The following TUB variants were observed in gnomAD, a reference collection of about 807,000 sequenced individuals.
The protein encoded by TUB is tubby protein homolog.
In TUB, 33 loss-of-function variants were observed where a neutral mutation model predicts 59.7. The ratio of observed to expected loss-of-function variants is 0.55; its 90% CI spans 0.42 to 0.74. The LOEUF is 0.74. Ranked by LOEUF, TUB falls within the 30% of genes least tolerant of loss-of-function variation. The pLI, the probability that TUB is intolerant of heterozygous loss-of-function variation, is 0.00. For missense variants in TUB, 659 were observed against 672.0 expected (o/e 0.98, Z 0.21); for synonymous variants, 293 against 256.4 (o/e 1.14, Z -1.36).
chr11:8,088,590 G>T (rs1231265791), intron 1 of TUB, among the ~76,000 whole-genome samples: 2 of 152,240 alleles, frequency 1.3e-5, no homozygotes, highest in African/African-American at 4.8e-5. Context: ...ACACAGTCTG[G>T]TTCAGGGGCA....
chr11:8,049,111 C>T (rs139015821), intron 2 of TUB, among the ~76,000 whole-genome samples: 1 of 152,196 alleles, frequency 6.6e-6, no homozygotes, highest in African/African-American at 2.4e-5. Flanking sequence ...CCTCTCTCTT[C>T]TGTAGTCGGC....
At chr11:8,029,064 G>T (rs906261965) in intron 1 of TUB, among the ~76,000 whole-genome samples, 1 of 152,124 alleles carries the variant, frequency 6.6e-6, no homozygotes, top group African/African-American at 2.4e-5. Flanking sequence ...AGCCATAAAT[G>T]TATGGGTTTA....
chr11:8,022,705 C>T (rs532039764), intron 1 of TUB, among the ~76,000 whole-genome samples: 3 of 152,264 alleles, frequency 2.0e-5, no homozygotes, highest in African/African-American at 7.2e-5. Context: ...GCCTGGCCAA[C>T]ATGGTGAAAC....
At chr11:8,071,121 G>A (rs960384878) in intron 2 of TUB, among the ~76,000 whole-genome samples, 2 of 152,108 alleles carry the variant, frequency 1.3e-5, no homozygotes, top group Non-Finnish European at 2.9e-5. Context: ...TCATCACCTC[G>A]ACTCTTTTTC....
In TUB at chr11:8,072,831, T is replaced by G. The variant is rs187341227; in HGVS notation, c.204-16779T>G. Among the ~76,000 whole-genome samples, 275 of 152,326 alleles carry G rather than the reference T, an allele frequency of 1.8e-3. 1 individual carries two copies. The highest frequency in any genetic ancestry group is 6.4e-3 in the African/African-American group (266 of 41,566). The stretch of plus-strand genomic sequence containing the variant: ...TGTGTGTTTTCACAGCTGTGTTTCT[T>G]ACATAAAATACAAGAATGCTAACAC... On this transcript the variant is annotated intron_variant, in intron 2 of 12. Coordinates refer to the TUB transcript ENST00000305253.
At chr11:8,029,901 A>C (rs1942547040) in intron 1 of TUB, among the ~76,000 whole-genome samples, 1 of 151,970 alleles carries the variant, frequency 6.6e-6, no homozygotes, top group African/African-American at 2.4e-5. Flanking sequence ...TTTGTTTTAG[A>C]ACTTTTTGAG....
At chr11:8,093,773 C>T (rs1275587104) in intron 3 of TUB, among the ~76,000 whole-genome samples, 2 of 152,186 alleles carry the variant, frequency 1.3e-5, no homozygotes, top group Non-Finnish European at 2.9e-5. Flanking sequence ...TTTGAGTGCG[C>T]ACTTTGTTGG....
intron 2 of TUB, among the ~76,000 whole-genome samples, chr11:8,070,570 A>T (rs543886015): frequency 6.6e-6 from 1 of 152,310 alleles, no homozygotes; most frequent in South Asian, 2.1e-4. Flanking sequence ...CAATAATATA[A>T]ACCATGAGTC....
intron 1 of TUB, chr11:8,039,038 C>G (rs1300566219): frequency 6.2e-7 from 1 of 1,611,342 alleles, no homozygotes; most frequent in African/African-American, 1.3e-5. Context: ...GGTAAGCTTT[C>G]AACATCCTGC....
At chr11:8,065,720 G>A (rs1239244275) in intron 2 of TUB, among the ~76,000 whole-genome samples, 1 of 152,194 alleles carries the variant, frequency 6.6e-6, no homozygotes, top group Non-Finnish European at 1.5e-5. Context: ...GAGCAGAGCT[G>A]GAAGAGCAGC....
At chr11:8,078,772 A>G (rs1943491709), upstream of TUB, among the ~76,000 whole-genome samples, 1 of 151,958 alleles carries the variant, frequency 6.6e-6, no homozygotes, top group Admixed American at 6.5e-5. Flanking sequence ...CTTCCCATGC[A>G]CACACACACT....
intron 1 of TUB, among the ~76,000 whole-genome samples, chr11:8,031,058 G>A (rs1942564384): frequency 6.6e-6 from 1 of 152,374 alleles, no homozygotes; most frequent in South Asian, 2.1e-4. Flanking sequence ...GAAGGCGTCT[G>A]TGTGCACATC....
At chr11:8,032,068 C>T (rs1942580885) in intron 1 of TUB, among the ~76,000 whole-genome samples, 1 of 152,006 alleles carries the variant, frequency 6.6e-6, no homozygotes, top group African/African-American at 2.4e-5. Flanking sequence ...GGAGCAGCCG[C>T]GACTGCACAG....
intron 2 of TUB, among the ~76,000 whole-genome samples, chr11:8,043,205 A>G (rs1192605023): frequency 6.6e-6 from 1 of 152,136 alleles, no homozygotes; most frequent in Admixed American, 6.5e-5. Context: ...CCTCCATTGA[A>G]TGGTCTCGCT....
intron 8 of TUB, among the ~76,000 whole-genome samples, chr11:8,098,163 G>A (rs979802544): frequency 2.0e-5 from 3 of 152,014 alleles, no homozygotes; most frequent in African/African-American, 4.8e-5. Context: ...GGACAGGGCT[G>A]AGAGTGAGCT....
chr11:8,034,208 C>A (rs568733634), upstream of TUB, among the ~76,000 whole-genome samples: 4 of 152,256 alleles, frequency 2.6e-5, no homozygotes, highest in African/African-American at 7.2e-5. Context: ...GGACAGCCAC[C>A]CCTCCCCCTA....
At chr11:8,066,412 G>A (rs1268335327) in intron 2 of TUB, among the ~76,000 whole-genome samples, 1 of 152,172 alleles carries the variant, frequency 6.6e-6, no homozygotes, top group Non-Finnish European at 1.5e-5. Context: ...CTGGCTCTGG[G>A]TTCAGCCCCT....
chr11:8,025,793 A>G (rs1268758848), intron 1 of TUB, among the ~76,000 whole-genome samples: 1 of 152,236 alleles, frequency 6.6e-6, no homozygotes, highest in East Asian at 1.9e-4. Flanking sequence ...CTTTGTATGG[A>G]CGTATACTTT....
chr11:8,034,509 G>A (rs911684352), upstream of TUB, among the ~76,000 whole-genome samples: 3 of 152,172 alleles, frequency 2.0e-5, no homozygotes, highest in Non-Finnish European at 4.4e-5. Flanking sequence ...ATGCAGGTGC[G>A]ATTTCCCTGC....
Sources: gnomAD v4.1 joint callset for allele counts (sites outside exome capture counted in the v4.1 genomes callset) on GRCh38, gnomAD v4.1.1 for gene constraint, MANE v1.5 for transcripts, NCBI Gene and HGNC (gene_info 2026-07-23, HGNC 2026-07-21) for gene names.